Variants in BBS4 observed in about 807,000 individuals in gnomAD.
BBS4 encodes the protein BBSome complex member BBS4.
Under a neutral mutation model 71.4 loss-of-function variants are expected in BBS4, and 58 were observed. That is an observed-to-expected ratio of 0.81 (90% CI 0.66 to 1.01). The LOEUF (loss-of-function observed/expected upper bound fraction) is 1.01. BBS4 is among the 50% of genes least tolerant of loss of function. The pLI is 0.00. For synonymous variants in BBS4, 228 were observed against 216.8 expected, an observed-to-expected ratio of 1.05 and a Z score of -0.46; for missense variants, 660 against 607.9, an observed-to-expected ratio of 1.09 and a Z score of -0.90.
At chr15:72,736,984 A>C in intron 15 of BBS4, 21 bp downstream of exon 15, 1 of 1,612,964 alleles carries the variant, frequency 6.2e-7, no homozygotes, top group Non-Finnish European at 8.5e-7. Context: ...ACAGAGCTCC[A>C]TGAAGACCTG....
intron 7 of BBS4, 71 bp from the exon 8 acceptor site, chr15:72,724,452 TTTACA>T: frequency 6.3e-7 from 1 of 1,599,748 alleles, no homozygotes; most frequent in South Asian, 1.1e-5. Flanking sequence ...AGAAAGTGTC[TTTACA>T]TTAGCCATAT....
At chr15:72,689,035 A>G (rs912527785) in intron 1 of BBS4, among the ~76,000 whole-genome samples, 1 of 151,956 alleles carries the variant, frequency 6.6e-6, no homozygotes, top group Non-Finnish European at 1.5e-5. Context: ...AAAGAAAAAA[A>G]AAAAAAGAGA....
In BBS4 at chr15:72,737,025, G is replaced by A. The variant is rs994941796; in HGVS notation, c.1450+62G>A. 9 of 1,557,058 alleles carry A rather than the reference G, an allele frequency of 5.8e-6. No homozygotes were observed. In the African/African-American group the frequency reaches 1.2e-4, roughly 21 times the overall value. Reference sequence around the variant, plus strand: ...TACAAGCCACATGTGTCTGTCAGCAGAGATTATAGCTTTCAGTGAGGTTCT... The same window carrying A: ...TACAAGCCACATGTGTCTGTCAGCAAAGATTATAGCTTTCAGTGAGGTTCT... On this transcript the variant is annotated intron_variant, in intron 15 of 15. Coordinates refer to ENST00000268057, the MANE Select transcript of BBS4 (RefSeq NM_033028.5).
intron 2 of BBS4, among the ~76,000 whole-genome samples, chr15:72,698,976 G>A (rs2065125447): frequency 6.6e-6 from 1 of 152,128 alleles, no homozygotes; most frequent in Non-Finnish European, 1.5e-5. Context: ...TTGATAAGTA[G>A]TTACCAAATC....
At chr15:72,716,130 A>G (rs559179442) in intron 5 of BBS4, among the ~76,000 whole-genome samples, 3 of 152,194 alleles carry the variant, frequency 2.0e-5, no homozygotes, top group East Asian at 1.9e-4. Flanking sequence ...AGTGTTTTCA[A>G]TTTACAATGG....
chr15:72,735,242 GTGCCATACATAGCATTGGTGC>G, intron 13 of BBS4, 60 bp downstream of exon 13: 1 of 1,329,098 alleles, frequency 7.5e-7, no homozygotes, highest in Non-Finnish European at 1.1e-6. Context: ...CCATGAGGTG[GTGCCATACATAGCATTGGTGC>G]TGCCTGTGTC....
At chr15:72,712,220 G>C (rs760130348) in intron 3 of BBS4, 24 bp from the exon 4 acceptor site, 3 of 1,611,200 alleles carry the variant, frequency 1.9e-6, no homozygotes, top group South Asian at 2.2e-5. Flanking sequence ...CCACTGCTCA[G>C]AAGCATTTTT....
chr15:72,694,945 A>G (rs993210483), intron 1 of BBS4, among the ~76,000 whole-genome samples: 3 of 152,216 alleles, frequency 2.0e-5, no homozygotes, highest in Non-Finnish European at 2.9e-5. Flanking sequence ...TTAAAAATGC[A>G]CATTGTAAAT....
chr15:72,738,227 C>T lies in BBS4; in HGVS notation c.*640C>T, dbSNP rs752885807. On this transcript the variant is annotated 3_prime_UTR_variant, in exon 16 of 16. Coordinates refer to ENST00000268057, the MANE Select transcript of BBS4 (RefSeq NM_033028.5). ...AGAGGGGTCAGTCTAGAAGCTAGAT[C>T]CTATCAGGATGAGGAGCAGCAGCCC... 5.1e-5 allele frequency: 23 copies of T among 453,612 alleles called. No individual in the cohort carries two copies. The highest frequency in any genetic ancestry group is 8.8e-5 in the Non-Finnish European group (20 of 226,710). The allele number at this position is 453,612 out of a possible 1,614,324, so 28.1% of individuals were successfully genotyped here.
At chr15:72,709,905 C>G in intron 3 of BBS4, 126 bp downstream of exon 3, 5 of 786,320 alleles carry the variant, frequency 6.4e-6, no homozygotes, top group East Asian at 2.6e-5. Flanking sequence ...CTTCCCCATA[C>G]TTCATACACT....
At chr15:72,708,925 T>G (rs1337110535) in intron 2 of BBS4, among the ~76,000 whole-genome samples, 4 of 152,202 alleles carry the variant, frequency 2.6e-5, no homozygotes, top group Admixed American at 2.6e-4. Context: ...TTCTGTTGTT[T>G]AAGATGTTTA....
At chr15:72,686,880 G>T in intron 1 of BBS4, 1 of 310,766 alleles carries the variant, frequency 3.2e-6, no homozygotes, top group Non-Finnish European at 6.3e-6. Context: ...CCTTGCTTTA[G>T]TGTTGGGTTT....
rs973830361 is a variant in BBS4 at position 72,738,042 on chromosome 15, A to G, written c.*455A>G. Reference sequence around the variant, plus strand: ...AGGTTGTGAGGTTTATTAGTCCCCAAGGCAAACACAAATATTAGATTAATA... The same window carrying G: ...AGGTTGTGAGGTTTATTAGTCCCCAGGGCAAACACAAATATTAGATTAATA... On this transcript the variant is annotated 3_prime_UTR_variant, in exon 16 of 16. Coordinates refer to ENST00000268057, the MANE Select transcript of BBS4 (RefSeq NM_033028.5). The G allele has an allele frequency of 6.6e-6, 3 of 454,174 alleles. No homozygotes were observed. Among genetic ancestry groups the G allele is most frequent in the South Asian group, 1.6e-5 (1 of 64,478 alleles). The allele number at this position is 454,174 out of a possible 1,614,324, so 28.1% of individuals were successfully genotyped here.
chr15:72,686,528 C>G (rs1408463226), intron 1 of BBS4: 6 of 1,498,158 alleles, frequency 4.0e-6, no homozygotes, highest in African/African-American at 2.8e-5. Flanking sequence ...TGGCTCTTAC[C>G]GTAGTGCCAT....
chr15:72,692,922 A>C (rs953640015), intron 1 of BBS4, among the ~76,000 whole-genome samples: 3 of 152,106 alleles, frequency 2.0e-5, no homozygotes, highest in African/African-American at 7.2e-5. Flanking sequence ...AAACTGGAGA[A>C]TTGCATTTTT....
chr15:72,714,070 T>G (rs189837460), intron 4 of BBS4, among the ~76,000 whole-genome samples: 1 of 152,140 alleles, frequency 6.6e-6, no homozygotes, highest in Non-Finnish European at 1.5e-5. Context: ...TTTGGAAGGA[T>G]TGCTTGTAAT....
Position 72,695,222 on chromosome 15 carries a change from A to C in BBS4, c.70A>C (p.Lys24Gln), listed in dbSNP as rs1488320107. 6.3e-7 allele frequency: 1 copy of C among 1,596,330 alleles called. No individual in the cohort carries two copies. The highest frequency in any genetic ancestry group is 2.2e-5 in the East Asian group (1 of 44,730). The change falls in exon 2 of 16, where the codon AAA becomes CAA. Residue 24 changes from lysine (K) to glutamine (Q), a missense_variant. Lys to Gln is a moderately conservative substitution (Grantham distance 53, BLOSUM62 1). Coordinates refer to ENST00000268057, the MANE Select transcript of BBS4 (RefSeq NM_033028.5). The stretch of plus-strand genomic sequence containing the variant: ...TACTGAGTCTCAAAAACCCCGGCAG[A>C]AAAAAGGTCTGTATGCAGTTTCATG... ...VSTESQKPRQ[K>Q]KAPEFPILEK...
chr15:72,724,397 G>A (rs2065629768), intron 7 of BBS4, 131 bp from the exon 8 acceptor site: 1 of 1,340,676 alleles, frequency 7.5e-7, no homozygotes, highest in Non-Finnish European at 1.0e-6. Flanking sequence ...TCTTTGGGTA[G>A]TGGGGGCTGT....
chr15:72,688,216 A>C (rs1025237014), intron 1 of BBS4, among the ~76,000 whole-genome samples: 1 of 151,920 alleles, frequency 6.6e-6, no homozygotes, highest in Admixed American at 6.6e-5. Flanking sequence ...TGTCATGTAC[A>C]TTTGAATGTC....
Sources: allele counts gnomAD v4.1 joint callset (sites outside exome capture counted in the v4.1 genomes callset), GRCh38; gene constraint gnomAD v4.1.1; transcripts MANE v1.5; gene names NCBI Gene and HGNC (gene_info 2026-07-23, HGNC 2026-07-21).